The following ITGAV variants were observed in gnomAD, a reference collection of about 807,000 sequenced individuals.
The protein encoded by ITGAV is integrin subunit alpha V, also known as integrin alpha-V.
A neutral mutation model predicts 143.8 loss-of-function variants in ITGAV; 76 were observed. That is an observed-to-expected ratio of 0.53 (90% CI 0.44 to 0.64). The LOEUF (loss-of-function observed/expected upper bound fraction) is 0.64, where lower values mean the gene tolerates loss of function less well. Among genes scored for constraint, ITGAV ranks in the 30% least tolerant of loss-of-function variants. ITGAV has a pLI of 0.00. For missense variants in ITGAV, 1,193 were observed against 1,274.7 expected (o/e 0.94, Z 0.98); for synonymous variants, 453 against 446.7 (o/e 1.01, Z -0.18).
At chr2:186,609,084 T>C (rs947886986) in intron 2 of ITGAV, among the ~76,000 whole-genome samples, 1 of 152,176 alleles carries the variant, frequency 6.6e-6, no homozygotes, top group Non-Finnish European at 1.5e-5. Context: ...GCCTGTCTTA[T>C]CTTACACAAC....
chr2:186,594,902 A>C (rs1686705752), intron 1 of ITGAV, among the ~76,000 whole-genome samples: 1 of 152,308 alleles, frequency 6.6e-6, no homozygotes, highest in South Asian at 2.1e-4. Context: ...CTAGGCTATA[A>C]TTTTGTTATT....
chr2:186,655,096 G>C (rs1688546467), intron 16 of ITGAV, among the ~76,000 whole-genome samples: 1 of 152,110 alleles, frequency 6.6e-6, no homozygotes, highest in African/African-American at 2.4e-5. Context: ...GAGTAGAGGT[G>C]GTTTAGAAAT....
chr2:186,674,754 C>T (rs111876062), intron 26 of ITGAV, among the ~76,000 whole-genome samples: 17 of 152,068 alleles, frequency 1.1e-4, no homozygotes, highest in Non-Finnish European at 1.9e-4. Context: ...TCAAGCGATA[C>T]GCCTGCCTCA....
chr2:186,600,161 T>G, intron 1 of ITGAV: 1 of 580,652 alleles, frequency 1.7e-6, no homozygotes, highest in Non-Finnish European at 3.1e-6. Context: ...CTTGACCTTA[T>G]CTTGTGCCAC....
chr2:186,634,970 T>G (rs566929083), intron 6 of ITGAV, among the ~76,000 whole-genome samples: 1 of 152,042 alleles, frequency 6.6e-6, no homozygotes, highest in South Asian at 2.1e-4. Context: ...TTTTAAGAGA[T>G]ACAGCTGTGA....
chr2:186,644,469 G>T (rs987636858), intron 12 of ITGAV, among the ~76,000 whole-genome samples: 22 of 151,958 alleles, frequency 1.4e-4, no homozygotes, highest in Non-Finnish European at 2.6e-4. Flanking sequence ...GGGACTACAG[G>T]CACCCACCAC....
At chr2:186,670,086 C>T (rs1251589171) in intron 26 of ITGAV, 1 of 384,180 alleles carries the variant, frequency 2.6e-6, no homozygotes, top group South Asian at 2.8e-5. Context: ...CTTTCTGGGC[C>T]TCCTCCTAAT....
intron 4 of ITGAV, among the ~76,000 whole-genome samples, chr2:186,626,570 C>CTGTG (rs1440479388): frequency 1.3e-5 from 2 of 152,174 alleles, no homozygotes; most frequent in African/African-American, 2.4e-5. Context: ...GTTAGGTGAC[C>CTGTG]TGTGACACCA....
intron 23 of ITGAV, 120 bp from the exon 24 acceptor site, chr2:186,667,546 TTAAAG>T (rs1688934986): frequency 1.9e-6 from 1 of 533,690 alleles, no homozygotes. Flanking sequence ...TAGTTTTCTT[TTAAAG>T]TATTTTTTAA....
chr2:186,651,531 TTATG>T (rs1032254797), intron 14 of ITGAV, among the ~76,000 whole-genome samples: 3 of 152,180 alleles, frequency 2.0e-5, no homozygotes, highest in Non-Finnish European at 2.9e-5. Flanking sequence ...AAAAATCATA[TTATG>T]TATGTATGTA....
At chr2:186,634,183 TG>T (rs1687893731) in intron 6 of ITGAV, among the ~76,000 whole-genome samples, 1 of 152,208 alleles carries the variant, frequency 6.6e-6, no homozygotes. Context: ...AATAGATTAT[TG>T]TTGACAGTGT....
chr2:186,665,005 C>G, intron 20 of ITGAV, 121 bp from the exon 21 acceptor site: 4 of 680,262 alleles, frequency 5.9e-6, no homozygotes, highest in Non-Finnish European at 9.8e-6. Context: ...TGGCTTTTTC[C>G]TTACCTCCTG....
rs974670555 is a variant in ITGAV, at chr2:186,641,384, A to G, written c.957-2A>G. On this transcript the variant is annotated splice_acceptor_variant, in intron 11 of 29. Transcript: ENST00000261023. LOFTEE classifies it high-confidence loss of function. ...TTTGGTGAGAAGTTTCTGTTCTTCT[A>G]GTTATGCAGATGTGTTTATTGGAGC... 5 of 1,612,236 alleles carry G rather than the reference A, an allele frequency of 3.1e-6. No homozygotes were observed. The highest frequency in any genetic ancestry group is 4.2e-6 in the Non-Finnish European group (5 of 1,178,456).
intron 5 of ITGAV, 29 bp from the exon 6 acceptor site, chr2:186,633,300 A>T (rs1333363720): frequency 6.8e-7 from 1 of 1,475,646 alleles, no homozygotes; most frequent in Non-Finnish European, 9.4e-7. Context: ...CTTTAAATAT[A>T]TATCTTTTTG....
In ITGAV at chr2:186,665,221, A is replaced by G; in HGVS notation, c.2166+3A>G. On this transcript the variant is annotated splice_donor_region_variant and intron_variant, in intron 21 of 29. Coordinates refer to ENST00000261023, the MANE Select transcript of ITGAV (RefSeq NM_002210.5). ...ACCCAATGAAGGCTGGAACTCAAGT[A>G]AGACAATTTAATTAAACGGATTTTT... is the stretch of plus-strand genomic sequence containing the variant. 6.3e-7 allele frequency: 1 copy of G among 1,580,228 alleles called. No individual in the cohort carries two copies. The highest frequency in any genetic ancestry group is 8.7e-7 in the Non-Finnish European group (1 of 1,150,264).
intron 1 of ITGAV, among the ~76,000 whole-genome samples, chr2:186,596,688 C>T (rs1287569329): frequency 1.3e-5 from 2 of 151,926 alleles, no homozygotes; most frequent in South Asian, 2.1e-4. Flanking sequence ...CATGAGCCAC[C>T]GTGCCTGGCC....
chr2:186,661,683 G>A (rs574256780), intron 18 of ITGAV, among the ~76,000 whole-genome samples: 90 of 148,982 alleles, frequency 6.0e-4, no homozygotes, highest in Non-Finnish European at 1.1e-3. Context: ...TGCAACCTCC[G>A]CCTCCTGTGT....
At chr2:186,636,250 ATATATCT>A (rs900838934) in intron 7 of ITGAV, 43 bp downstream of exon 7, 19 of 1,496,338 alleles carry the variant, frequency 1.3e-5, no homozygotes, top group Middle Eastern at 1.8e-4. Flanking sequence ...ACTGTGGTAC[ATATATCT>A]TATATCTGAG....
intron 12 of ITGAV, among the ~76,000 whole-genome samples, chr2:186,643,566 G>A (rs1688167433): frequency 6.6e-6 from 1 of 152,126 alleles, no homozygotes; most frequent in East Asian, 1.9e-4. Flanking sequence ...CATTGTTCCT[G>A]TATTCCTATA....
Sources: gnomAD v4.1 joint callset for allele counts (sites outside exome capture counted in the v4.1 genomes callset) on GRCh38, gnomAD v4.1.1 for gene constraint, MANE v1.5 for transcripts, NCBI Gene and HGNC (gene_info 2026-07-23, HGNC 2026-07-21) for gene names.